Variants in ERCC3 observed in about 807,000 individuals in gnomAD.
ERCC3 encodes the protein ERCC excision repair 3, TFIIH core complex helicase subunit, also known as general transcription and DNA repair factor IIH helicase/translocase subunit XPB.
Under a neutral mutation model 94.2 loss-of-function variants are expected in ERCC3, and 66 were observed. The observed-to-expected ratio is 0.70, with a 90% CI of 0.57 to 0.86. The LOEUF is 0.86. ERCC3 is among the 40% of genes least tolerant of loss of function. The pLI is 0.00. For synonymous variants in ERCC3, 349 were observed against 369.1 expected (o/e 0.95, Z 0.63); for missense variants, 829 against 987.1 (o/e 0.84, Z 2.15).
At position 127,289,688 on chromosome 2, in the gene ERCC3, C is replaced by G; in HGVS notation, c.657+1G>C. The G allele has an allele frequency of 6.2e-7, 1 of 1,614,142 alleles. No homozygotes were observed. The highest frequency in any genetic ancestry group is 8.5e-7 in the Non-Finnish European group (1 of 1,180,024). On this transcript the variant is annotated splice_donor_variant, in intron 5 of 14. Coordinates refer to ENST00000285398, the MANE Select transcript of ERCC3 (RefSeq NM_000122.2). LOFTEE classifies it high-confidence loss of function. Reference sequence around the variant, plus strand: ...CAAGGGTGGCCCAGGAGTCCACATACGGCAGATTTGCTTGTGAAAGTCTCT... The same window carrying G: ...CAAGGGTGGCCCAGGAGTCCACATAGGGCAGATTTGCTTGTGAAAGTCTCT...
chr2:127,271,395 T>A lies in ERCC3; in HGVS notation c.1886A>T (p.His629Leu), dbSNP rs753886932. The A allele has an allele frequency of 1.2e-5, 19 of 1,613,792 alleles. No individual in the cohort carries two copies. Among genetic ancestry groups the A allele is most frequent in the Non-Finnish European group, 1.5e-5 (18 of 1,180,000 alleles). Residue 629 changes from histidine (H) to leucine (L), a missense_variant, in exon 12 of 15, where the codon CAT becomes CTT. Physicochemically the swap from His to Leu is moderately conservative, Grantham distance 99. Transcript: ENST00000285398. This position sits in a 1 kb window ranked among gnomAD's most constrained non-coding sequence, Gnocchi z 5.0. ...GGCTTCCTGACGCCTGGAGCCACCA[T>A]GGGATGAGATCTGAATGAGGACATT... ...EANVLIQISS[H>L]GGSRRQEAQR... is the part of the protein sequence containing the mutation.
chr2:127,292,691 C>G lies in ERCC3; in HGVS notation c.390G>C (p.Gly130=). 6.2e-7 allele frequency: 1 copy of G among 1,614,140 alleles called. No homozygotes were observed. The highest frequency in any genetic ancestry group is 8.5e-7 in the Non-Finnish European group (1 of 1,180,014). ...AYSLYAAVSV[G]LQTSDITEYL... is the part of the protein sequence containing the mutation. ...ACTCGGTGATGTCACTGGTTTGCAG[C>G]CCAACGCTGACAGCTGCATACAAGG... is the stretch of plus-strand genomic sequence containing the variant. The change falls in exon 3 of 15, where the codon GGG becomes GGC. Residue 130 remains glycine, a synonymous_variant. Transcript: ENST00000285398.
Position 127,272,949 on chromosome 2 carries a change from G to T in ERCC3, c.1743C>A (p.Tyr581Ter), listed in dbSNP as rs147061557. The T allele has an allele frequency of 1.2e-6, 2 of 1,605,328 alleles. No homozygotes were observed. The highest frequency in any genetic ancestry group is 1.3e-5 in the African/African-American group (1 of 74,872). ...TCCTTTCCCCCTGAGACGTAGGTCC[G>T]TAGATATAGGGTCTAGAGAAGAATG... ...YAIRLNKPYI[Y>*]GPTSQGERMQ... Residue 581 changes from tyrosine to a stop codon, truncating the protein, a stop_gained, in exon 11 of 15, where the codon TAC (tyrosine) becomes TAA (stop). Coordinates refer to ENST00000285398, the MANE Select transcript of ERCC3 (RefSeq NM_000122.2). LOFTEE classifies it high-confidence loss of function.
intron 1 of ERCC3, 47 bp downstream of exon 1, chr2:127,294,007 G>A: frequency 1.3e-6 from 2 of 1,597,352 alleles, no homozygotes; most frequent in Non-Finnish European, 1.7e-6. Flanking sequence ...CGGGGGGCAG[G>A]GCCGGCAAGG....
Position 127,294,043 on chromosome 2 carries a change from C to G in ERCC3, c.28+11G>C, listed in dbSNP as rs781343512. On this transcript the variant is annotated intron_variant, in intron 1 of 14. Transcript: ENST00000285398. ...GCAGTCGTGGCTGAGCGTGCCCGCG[C>G]AACGTCTCACCGCGGTCCGCTCGGT... 1.2e-6 allele frequency: 2 copies of G among 1,605,470 alleles called. No individual in the cohort carries two copies. Among genetic ancestry groups the G allele is most frequent in the Non-Finnish European group, 1.7e-6 (2 of 1,179,052 alleles).
At chr2:127,266,706 ATTAT>A (rs1553509276) in intron 12 of ERCC3, among the ~76,000 whole-genome samples, 1 of 130,732 alleles carries the variant, frequency 7.6e-6, no homozygotes, top group Non-Finnish European at 1.6e-5. Context: ...CACATGATCA[ATTAT>A]TTTTTTTTTT....
intron 12 of ERCC3, among the ~76,000 whole-genome samples, chr2:127,270,790 C>T (rs753756441): frequency 5.3e-5 from 8 of 152,166 alleles, no homozygotes; most frequent in Admixed American, 2.0e-4. Context: ...AGGGGTGCCA[C>T]GCCTCCTCAG....
intron 10 of ERCC3, among the ~76,000 whole-genome samples, chr2:127,273,632 C>G (rs1029070890): frequency 2.0e-5 from 3 of 151,336 alleles, no homozygotes; most frequent in African/African-American, 7.3e-5. Flanking sequence ...GTGTGTAATC[C>G]CAGCTACTCG....
chr2:127,283,470 G>C (rs1573953603), intron 8 of ERCC3, among the ~76,000 whole-genome samples: 1 of 152,174 alleles, frequency 6.6e-6, no homozygotes, highest in Non-Finnish European at 1.5e-5. Flanking sequence ...ATGTACCACA[G>C]CTTGTTTATC....
chr2:127,269,809 T>C (rs957118154), intron 12 of ERCC3, among the ~76,000 whole-genome samples: 1 of 151,482 alleles, frequency 6.6e-6, no homozygotes, highest in Non-Finnish European at 1.5e-5. Context: ...GGTGGGTGGA[T>C]CACTAGAGAC....
At chr2:127,265,030 A>T (rs967839797) in intron 12 of ERCC3, among the ~76,000 whole-genome samples, 7 of 151,996 alleles carry the variant, frequency 4.6e-5, no homozygotes, top group African/African-American at 1.4e-4. Flanking sequence ...TATTTTTAGT[A>T]GAGACGAGGT....
chr2:127,287,070 AG>A, intron 7 of ERCC3, 53 bp from the exon 8 acceptor site: 1 of 1,403,686 alleles, frequency 7.1e-7, no homozygotes, highest in Non-Finnish European at 1.0e-6. Context: ...AATGAAGGAC[AG>A]GGACAGGCAG....
chr2:127,261,413 G>A, intron 12 of ERCC3, 67 bp from the exon 13 acceptor site: 2 of 1,015,814 alleles, frequency 2.0e-6, no homozygotes, highest in Admixed American at 3.4e-5. Flanking sequence ...CAAGAGCTAA[G>A]GGTCCCAGGC....
intron 10 of ERCC3, among the ~76,000 whole-genome samples, chr2:127,275,880 G>A (rs189272589): frequency 1.3e-5 from 2 of 152,282 alleles, no homozygotes; most frequent in African/African-American, 4.8e-5. Context: ...GAGCCGGCAG[G>A]AGGGAAGACC....
In ERCC3 at chr2:127,271,489, G is replaced by C; in HGVS notation, c.1828-36C>G. On this transcript the variant is annotated intron_variant, in intron 11 of 14. Coordinates refer to ENST00000285398, the MANE Select transcript of ERCC3 (RefSeq NM_000122.2). The surrounding 1 kb of genome is among the most constrained non-coding windows in gnomAD (Gnocchi z 5.0). ...AAGTTGGAAGGTTTTTATATATGAGGAAAAAAAAAAAGTCAACTGATCCAG... is the reference window on the plus strand; with the variant it reads ...AAGTTGGAAGGTTTTTATATATGAGCAAAAAAAAAAAGTCAACTGATCCAG... 4 of 1,164,316 alleles carry C rather than the reference G, an allele frequency of 3.4e-6. No individual in the cohort carries two copies. The highest frequency in any genetic ancestry group is 4.9e-6 in the Non-Finnish European group (4 of 809,172). The allele number at this position is 1,164,316 out of a possible 1,614,324, so 72.1% of individuals were successfully genotyped here. A position where few individuals can be genotyped will look rare whatever the true frequency, so the allele number is the denominator to read the frequency against.
In ERCC3 at chr2:127,259,358, C is replaced by T. The variant is rs1263512849; in HGVS notation, c.2155G>A (p.Ala719Thr). Residue 719 changes from alanine (A) to threonine (T), a missense_variant, in exon 14 of 15, where the codon GCC becomes ACC. Ala to Thr is a moderately conservative substitution (Grantham distance 58). Coordinates refer to ENST00000285398, the MANE Select transcript of ERCC3 (RefSeq NM_000122.2). The surrounding 1 kb of genome is among the most constrained non-coding windows in gnomAD (Gnocchi z 4.9). Reference protein sequence around the residue: ...QQQLLQKVLAATDLDAEEEVV... With the variant: ...QQQLLQKVLATTDLDAEEEVV... ...TCCTCCTCGGCATCCAGGTCAGTGGCTGCCAGGACTTTCTGTAAGAGCTGC... is the reference window on the plus strand; with the variant it reads ...TCCTCCTCGGCATCCAGGTCAGTGGTTGCCAGGACTTTCTGTAAGAGCTGC... The T allele has an allele frequency of 6.2e-7, 1 of 1,614,186 alleles. No individual in the cohort carries two copies. Among genetic ancestry groups the T allele is most frequent in the Non-Finnish European group, 8.5e-7 (1 of 1,180,036 alleles).
Position 127,286,863 on chromosome 2 carries a change from G to A in ERCC3, c.1182C>T (p.Ser394=), listed in dbSNP as rs377391723. ...AGCCGATGGGCTTGTCCTTGGCATC[G>A]GAGGTGAACCGGCAGATCTGGCTGT... ...IDDSQICRFT[S]DAKDKPIGCS... The change falls in exon 8 of 15, where the codon TCC becomes TCT. Residue 394 remains serine, a synonymous_variant. Transcript: ENST00000285398. The A allele has an allele frequency of 2.5e-5, 40 of 1,614,112 alleles. No individual in the cohort carries two copies. Among genetic ancestry groups the A allele is most frequent in the African/African-American group, 2.4e-4 (18 of 74,940 alleles).
chr2:127,260,311 C>T (rs1237009775), intron 13 of ERCC3: 1 of 152,366 alleles, frequency 6.6e-6, no homozygotes, highest in East Asian at 1.9e-4. Context: ...CAAAGAATTG[C>T]TCTTTCTGAC....
intron 6 of ERCC3, 46 bp downstream of exon 6, chr2:127,289,291 A>G (rs1157757368): frequency 6.4e-7 from 1 of 1,560,672 alleles, no homozygotes; most frequent in South Asian, 1.1e-5. Flanking sequence ...ACTAGCTTCT[A>G]ACAGCAGCTC....
Sources: allele counts gnomAD v4.1 joint callset (sites outside exome capture counted in the v4.1 genomes callset), GRCh38; gene constraint gnomAD v4.1.1; non-coding constraint Gnocchi (gnomAD v3.1); transcripts MANE v1.5; gene names NCBI Gene and HGNC (gene_info 2026-07-23, HGNC 2026-07-21).